NCOA1: variants seen among roughly 807,000 people sequenced by gnomAD.
The protein encoded by NCOA1 is Hin-2 protein.
NCOA1 carries 35 observed loss-of-function variants against 150.9 expected under a neutral mutation model. The observed-to-expected ratio is 0.23, with a 90% CI of 0.18 to 0.31. The LOEUF is 0.31. Ranked by LOEUF, NCOA1 falls within the 10% of genes least tolerant of loss-of-function variation. NCOA1 has a pLI of 1.00. For synonymous variants in NCOA1, 590 were observed against 630.0 expected (o/e 0.94, Z 0.95); for missense variants, 1,491 against 1,749.3 (o/e 0.85, Z 2.63).
intron 20 of NCOA1, among the ~76,000 whole-genome samples, chr2:24,752,460 A>G (rs1402767836): frequency 6.6e-6 from 1 of 152,198 alleles, no homozygotes; most frequent in Non-Finnish European, 1.5e-5. Flanking sequence ...ATTATCAGCA[A>G]AGAAAAATGA....
At chr2:24,532,710 A>G (rs2148168887) in intron 1 of NCOA1, among the ~76,000 whole-genome samples, 1 of 152,320 alleles carries the variant, frequency 6.6e-6, no homozygotes, top group East Asian at 1.9e-4. Flanking sequence ...TAAATAGGGA[A>G]TCCTTTCCCC....
At chr2:24,592,786 T>C (rs746550282) in intron 3 of NCOA1, among the ~76,000 whole-genome samples, 14 of 152,170 alleles carry the variant, frequency 9.2e-5, no homozygotes, top group Middle Eastern at 3.4e-3. Context: ...TTGCATAAAG[T>C]GAAATGTTCT....
At position 24,667,818 on chromosome 2, in the gene NCOA1, A is replaced by G. The variant is rs979040430; in HGVS notation, c.256+1903A>G. On this transcript the variant is annotated intron_variant, in intron 6 of 22. Coordinates refer to ENST00000348332, the MANE Select transcript of NCOA1 (RefSeq NM_003743.5). ...TCCACATGCTTTATTCACCTCTTTC[A>G]TGTCTTTGCTCAAATACGTCTTCTG... 3.8e-4 allele frequency among the ~76,000 whole-genome samples: 58 copies of G among 151,978 alleles called. 1 individual carries two copies. Among genetic ancestry groups the G allele is most frequent in the African/African-American group, 1.1e-3 (47 of 41,372 alleles).
At chr2:24,503,583 A>G (rs906271435) in intron 1 of NCOA1, among the ~76,000 whole-genome samples, 3 of 152,194 alleles carry the variant, frequency 2.0e-5, no homozygotes, top group Non-Finnish European at 4.4e-5. Flanking sequence ...CTCATTTGCT[A>G]TAAATCATAC....
At chr2:24,713,523 T>C (rs888637237) in intron 14 of NCOA1, among the ~76,000 whole-genome samples, 4 of 152,222 alleles carry the variant, frequency 2.6e-5, no homozygotes, top group African/African-American at 9.6e-5. Context: ...ATATTGGAAC[T>C]AGAAGACATT....
At chr2:24,691,273 G>A (rs1672657255) in intron 8 of NCOA1, among the ~76,000 whole-genome samples, 2 of 152,172 alleles carry the variant, frequency 1.3e-5, no homozygotes, top group Admixed American at 6.6e-5. Context: ...TCTTGGAAAT[G>A]TTACAGTTTT....
chr2:24,715,291 C>T (rs1673967828), intron 14 of NCOA1, among the ~76,000 whole-genome samples: 1 of 151,936 alleles, frequency 6.6e-6, no homozygotes, highest in African/African-American at 2.4e-5. Context: ...TGAAAAATAA[C>T]TGTTTAAAGC....
At chr2:24,514,391 C>T (rs534243894) in intron 1 of NCOA1, among the ~76,000 whole-genome samples, 8 of 151,460 alleles carry the variant, frequency 5.3e-5, no homozygotes, top group South Asian at 2.1e-4. Context: ...TCTTCATTAC[C>T]TATATATTAC....
intron 8 of NCOA1, 104 bp downstream of exon 8, chr2:24,683,232 ATATGT>A (rs1672256783): frequency 2.4e-5 from 15 of 612,984 alleles, no homozygotes; most frequent in Non-Finnish European, 3.5e-5. Flanking sequence ...ACAGTATTAT[ATATGT>A]TATAATATGT....
intron 18 of NCOA1, among the ~76,000 whole-genome samples, chr2:24,739,925 A>G (rs755928269): frequency 2.0e-5 from 3 of 152,032 alleles, no homozygotes; most frequent in Non-Finnish European, 2.9e-5. Flanking sequence ...ACTATGTTCA[A>G]TTTGAACATC....
Position 24,707,766 on chromosome 2 carries a change from C to T in NCOA1, c.2296C>T (p.Leu766=). ...DEKDLRSTPN[L]SLDDVKVKVE... Reference sequence around the variant, plus strand: ...GAAAGATTTAAGATCAACTCCAAACCTGAGCCTGGATGATGTAAAGGTGAA... The same window carrying T: ...GAAAGATTTAAGATCAACTCCAAACTTGAGCCTGGATGATGTAAAGGTGAA... Residue 766 remains leucine, a synonymous_variant, in exon 13 of 23, where the codon CTG becomes TTG. Coordinates refer to ENST00000348332, the MANE Select transcript of NCOA1 (RefSeq NM_003743.5). The T allele has an allele frequency of 1.2e-6, 2 of 1,614,180 alleles. No individual in the cohort carries two copies. Among genetic ancestry groups the T allele is most frequent in the Non-Finnish European group, 1.7e-6 (2 of 1,180,034 alleles).
At chr2:24,645,423 T>G (rs1451747009) in intron 4 of NCOA1, among the ~76,000 whole-genome samples, 1 of 146,048 alleles carries the variant, frequency 6.8e-6, no homozygotes. Context: ...GAATGGCGAA[T>G]GGCGTGAACC....
chr2:24,528,170 T>C (rs1311628121), intron 1 of NCOA1, among the ~76,000 whole-genome samples: 1 of 152,128 alleles, frequency 6.6e-6, no homozygotes, highest in African/African-American at 2.4e-5. Context: ...CTTTTTAGTT[T>C]GATATATTTG....
intron 17 of NCOA1, among the ~76,000 whole-genome samples, chr2:24,736,444 G>A (rs1177884916): frequency 2.6e-5 from 4 of 151,932 alleles, no homozygotes; most frequent in Non-Finnish European, 1.5e-5. Flanking sequence ...TATGTGTTAG[G>A]GTACTGAACA....
At chr2:24,617,318 CCTT>C (rs1409693986) in intron 3 of NCOA1, among the ~76,000 whole-genome samples, 1 of 152,074 alleles carries the variant, frequency 6.6e-6, no homozygotes, top group Non-Finnish European at 1.5e-5. Context: ...GTACAAAAAT[CCTT>C]CTCGAAACTG....
At chr2:24,573,652 T>C (rs566762607) in intron 2 of NCOA1, among the ~76,000 whole-genome samples, 1 of 152,096 alleles carries the variant, frequency 6.6e-6, no homozygotes, top group Non-Finnish European at 1.5e-5. Context: ...TTTTAAAAAA[T>C]CAATTTTAGA....
At chr2:24,746,143 T>G (rs1348573542) in intron 19 of NCOA1, among the ~76,000 whole-genome samples, 1 of 152,262 alleles carries the variant, frequency 6.6e-6, no homozygotes, top group African/African-American at 2.4e-5. Flanking sequence ...AGATGCTTAA[T>G]GAATCTTTGA....
At chr2:24,696,707 G>A (rs1473644663) in intron 10 of NCOA1, among the ~76,000 whole-genome samples, 1 of 152,110 alleles carries the variant, frequency 6.6e-6, no homozygotes, top group Admixed American at 6.6e-5. Flanking sequence ...TAGCAGTGCT[G>A]ATTGTAATGG....
chr2:24,700,182 G>A (rs536548142), intron 11 of NCOA1, among the ~76,000 whole-genome samples: 3 of 132,694 alleles, frequency 2.3e-5, no homozygotes, highest in African/African-American at 5.5e-5. Flanking sequence ...AATAATAATA[G>A]TAATAATGCT....
Sources: allele counts gnomAD v4.1 joint callset (sites outside exome capture counted in the v4.1 genomes callset), GRCh38; gene constraint gnomAD v4.1.1; transcripts MANE v1.5; gene names NCBI Gene and HGNC (gene_info 2026-07-23, HGNC 2026-07-21).